The following NCKAP5 variants were observed in gnomAD, a reference collection of about 807,000 sequenced individuals.
NCKAP5 encodes the protein nck-associated protein 5.
In NCKAP5, 92 loss-of-function variants were observed where a neutral mutation model predicts 167.0. That is an observed-to-expected ratio of 0.55 (90% CI 0.47 to 0.66). NCKAP5 has a LOEUF of 0.66. Among genes scored for constraint, NCKAP5 ranks in the 30% least tolerant of loss-of-function variants. The pLI, the probability that NCKAP5 is intolerant of heterozygous loss-of-function variation, is 0.00. For missense variants in NCKAP5, 2,378 were observed against 2,315.0 expected, an observed-to-expected ratio of 1.03 and a Z score of -0.56; for synonymous variants, 891 against 877.4, an observed-to-expected ratio of 1.02 and a Z score of -0.27.
intron 3 of NCKAP5, among the ~76,000 whole-genome samples, chr2:133,332,717 GA>G (rs1054481899): frequency 5.3e-5 from 8 of 150,956 alleles, no homozygotes; most frequent in African/African-American, 1.2e-4. Context: ...TAGTATTCCA[GA>G]AAAAAAAATA....
intron 19 of NCKAP5, among the ~76,000 whole-genome samples, chr2:132,695,049 G>A (rs2105180489): frequency 6.6e-6 from 1 of 152,322 alleles, no homozygotes; most frequent in South Asian, 2.1e-4. Flanking sequence ...GAAGGAAGGA[G>A]TGAATGAGCT....
chr2:133,360,947 A>C (rs1685061843), intron 3 of NCKAP5, among the ~76,000 whole-genome samples: 1 of 151,672 alleles, frequency 6.6e-6, no homozygotes, highest in Admixed American at 6.6e-5. Context: ...ATTAAAAAAA[A>C]AAAAAAGTAC....
chr2:133,323,752 G>C (rs1392815870), intron 3 of NCKAP5, among the ~76,000 whole-genome samples: 2 of 152,152 alleles, frequency 1.3e-5, no homozygotes, highest in African/African-American at 4.8e-5. Context: ...CTGACAGAGA[G>C]GTAAATTGAA....
chr2:132,857,946 G>T (rs1689598893), intron 11 of NCKAP5, among the ~76,000 whole-genome samples: 1 of 152,078 alleles, frequency 6.6e-6, no homozygotes, highest in Non-Finnish European at 1.5e-5. Flanking sequence ...ATTTTTAAGG[G>T]ACAAAGAATT....
At chr2:133,471,679 TC>T (rs1160870621) in intron 3 of NCKAP5, among the ~76,000 whole-genome samples, 2 of 152,136 alleles carry the variant, frequency 1.3e-5, no homozygotes, top group African/African-American at 4.8e-5. Context: ...CATGGCTTCC[TC>T]CCAGGCTTTA....
intron 3 of NCKAP5, among the ~76,000 whole-genome samples, chr2:133,501,619 T>C (rs1183570505): frequency 6.6e-6 from 1 of 152,232 alleles, no homozygotes; most frequent in African/African-American, 2.4e-5. Flanking sequence ...ATACTCAAAA[T>C]TAAAGTCGTG....
intron 4 of NCKAP5, among the ~76,000 whole-genome samples, chr2:133,253,460 C>T (rs1272774767): frequency 1.3e-5 from 2 of 152,200 alleles, no homozygotes; most frequent in African/African-American, 2.4e-5. Context: ...CTGGGTTTCA[C>T]AAAGGCAGAA....
intron 8 of NCKAP5, among the ~76,000 whole-genome samples, chr2:132,885,022 C>T (rs1692104522): frequency 6.6e-6 from 1 of 152,168 alleles, no homozygotes; most frequent in Non-Finnish European, 1.5e-5. Context: ...TTTATGGTTA[C>T]TGTGTTCAGT....
intron 9 of NCKAP5, among the ~76,000 whole-genome samples, chr2:132,873,672 A>T (rs150476607): frequency 6.6e-6 from 1 of 152,380 alleles, no homozygotes; most frequent in Non-Finnish European, 1.5e-5. Flanking sequence ...TCCAAAGCCC[A>T]TGAAGTTCTC....
chr2:133,503,476 C>CT (rs1339866101), intron 3 of NCKAP5, among the ~76,000 whole-genome samples: 2 of 152,100 alleles, frequency 1.3e-5, no homozygotes, highest in African/African-American at 4.8e-5. Context: ...AGAGCTGGGT[C>CT]TTTTTTTATG....
chr2:133,630,753 G>A, the NCKAP5 span, among the ~76,000 whole-genome samples: 1 of 152,126 alleles, frequency 6.6e-6, no homozygotes, highest in African/African-American at 2.4e-5. Context: ...CCTAGACATG[G>A]GAGTTAGGCC....
chr2:132,839,664 A>G (rs971747102), intron 11 of NCKAP5, among the ~76,000 whole-genome samples: 2 of 144,428 alleles, frequency 1.4e-5, no homozygotes, highest in Non-Finnish European at 3.0e-5. Flanking sequence ...AGGCTGAGGT[A>G]GGAGGATTGC....
chr2:133,349,712 A>G (rs547168748), intron 3 of NCKAP5, among the ~76,000 whole-genome samples: 44 of 152,324 alleles, frequency 2.9e-4, no homozygotes, highest in African/African-American at 9.9e-4. Context: ...CTTGGGAAGC[A>G]CAAAGAAATA....
At position 132,897,247 on chromosome 2, in the gene NCKAP5, C is replaced by T. The variant is rs185111170; in HGVS notation, c.580-18331G>A. Reference sequence around the variant, plus strand: ...TTATTCTCTAAACCAGACTTTGATGCAATCTGTTGAGCAGAGAGAAGCATA... The same window carrying T: ...TTATTCTCTAAACCAGACTTTGATGTAATCTGTTGAGCAGAGAGAAGCATA... On this transcript the variant is annotated intron_variant, in intron 8 of 19. Transcript: ENST00000409261. 1.4e-4 allele frequency among the ~76,000 whole-genome samples: 22 copies of T among 152,298 alleles called. No individual in the cohort carries two copies. In the East Asian group the frequency reaches 3.9e-3, roughly 27 times the overall value.
At chr2:132,912,793 T>C (rs530193251) in intron 8 of NCKAP5, among the ~76,000 whole-genome samples, 7 of 152,332 alleles carry the variant, frequency 4.6e-5, no homozygotes, top group South Asian at 4.1e-4. Flanking sequence ...ATGCCACTTC[T>C]TCTATTGAGG....
At chr2:133,512,437 T>A (rs75310504) in intron 3 of NCKAP5, among the ~76,000 whole-genome samples, 4 of 152,200 alleles carry the variant, frequency 2.6e-5, no homozygotes, top group African/African-American at 9.7e-5. Context: ...GCCATTACAA[T>A]CCAGCCTAGT....
At chr2:133,444,413 G>GA (rs1691067963) in intron 3 of NCKAP5, among the ~76,000 whole-genome samples, 3 of 151,794 alleles carry the variant, frequency 2.0e-5, no homozygotes, top group Non-Finnish European at 1.5e-5. Context: ...GATAGATATA[G>GA]ATATAGATGT....
At chr2:133,474,892 C>T (rs181340240) in intron 3 of NCKAP5, among the ~76,000 whole-genome samples, 20 of 152,134 alleles carry the variant, frequency 1.3e-4, no homozygotes, top group African/African-American at 4.8e-4. Context: ...CTCACTGCAA[C>T]CTCTGCCTCC....
intron 2 of NCKAP5, among the ~76,000 whole-genome samples, chr2:133,555,704 T>C (rs966689484): frequency 2.0e-5 from 3 of 152,212 alleles, no homozygotes; most frequent in Non-Finnish European, 2.9e-5. Context: ...ATAATCCCCT[T>C]GAAAGACTGT....
Sources: allele counts gnomAD v4.1 joint callset (sites outside exome capture counted in the v4.1 genomes callset), GRCh38; gene constraint gnomAD v4.1.1; transcripts MANE v1.5; gene names NCBI Gene and HGNC (gene_info 2026-07-23, HGNC 2026-07-21).